Variants in RWDD4 observed in about 807,000 individuals in gnomAD.
The protein encoded by RWDD4 is RWD domain-containing protein 4.
In RWDD4, 16 loss-of-function variants were observed where a neutral mutation model predicts 30.0. That is an observed-to-expected ratio of 0.53 (90% CI 0.36 to 0.81). The LOEUF (loss-of-function observed/expected upper bound fraction) is 0.81, where lower values mean the gene tolerates loss of function less well. Among genes scored for constraint, RWDD4 ranks in the 30% least tolerant of loss-of-function variants. The pLI is 0.00. For missense variants in RWDD4, 170 were observed against 223.9 expected, an observed-to-expected ratio of 0.76 and a Z score of 1.54; for synonymous variants, 45 against 72.1, an observed-to-expected ratio of 0.62 and a Z score of 1.90.
At position 183,651,209 on chromosome 4, in the gene RWDD4, A is replaced by G. The variant is rs1437554615; in HGVS notation, c.215+9T>C. 1.9e-6 allele frequency: 3 copies of G among 1,613,216 alleles called. No homozygotes were observed. The highest frequency in any genetic ancestry group is 2.5e-6 in the Non-Finnish European group (3 of 1,179,448). ...AAATGAAAAGCAGTAAAAACAAGAC[A>G]CTACTCACATGGTGTTGTTAAAAAA... On this transcript the variant is annotated intron_variant, in intron 3 of 7. Transcript: ENST00000326397.
intron 2 of RWDD4, among the ~76,000 whole-genome samples, chr4:183,654,647 C>T (rs781419263): frequency 6.6e-6 from 1 of 152,130 alleles, no homozygotes; most frequent in Non-Finnish European, 1.5e-5. Flanking sequence ...GGGAAATTCT[C>T]GACCTCCCAT....
chr4:183,651,879 C>T (rs1359455304), intron 2 of RWDD4, among the ~76,000 whole-genome samples: 2 of 152,186 alleles, frequency 1.3e-5, no homozygotes, highest in Admixed American at 1.3e-4. Context: ...GTTTCTTCCG[C>T]TCTGCTAACT....
At position 183,651,059 on chromosome 4, in the gene RWDD4, C is replaced by T. The variant is rs749283125; in HGVS notation, c.288G>A (p.Met96Ile). 1 of 1,613,852 alleles carries T rather than the reference C, an allele frequency of 6.2e-7. No homozygotes were observed. Among genetic ancestry groups the T allele is most frequent in the Non-Finnish European group, 8.5e-7 (1 of 1,179,948 alleles). ...TGGCATATTCAAACAATGTATAGGTCATAGCGGTTCCAAGATTAGCTTCTA... is the reference window on the plus strand; with the variant it reads ...TGGCATATTCAAACAATGTATAGGTTATAGCGGTTCCAAGATTAGCTTCTA... ...EAVEANLGTAMTYTLFEYAKD... is the reference protein window; with the variant it reads ...EAVEANLGTAITYTLFEYAKD... Residue 96 changes from methionine (M) to isoleucine (I), a missense_variant, in exon 4 of 8, where the codon ATG (methionine) becomes ATA (isoleucine). By Grantham distance (10) the Met-to-Ile change is conservative. Coordinates refer to ENST00000326397, the MANE Select transcript of RWDD4 (RefSeq NM_152682.4).
chr4:183,655,488 GTTGGCCAGGA>G (rs1734173163), intron 2 of RWDD4, among the ~76,000 whole-genome samples: 1 of 151,914 alleles, frequency 6.6e-6, no homozygotes, highest in Non-Finnish European at 1.5e-5. Flanking sequence ...GTTTCACCAT[GTTGGCCAGGA>G]TGGTCTCGAT....
At chr4:183,654,954 T>G (rs28441054) in intron 2 of RWDD4, among the ~76,000 whole-genome samples, 1 of 146,468 alleles carries the variant, frequency 6.8e-6, no homozygotes, top group Non-Finnish European at 1.5e-5. Flanking sequence ...GTTTTTTTTG[T>G]TTTTTTTTTT....
At chr4:183,645,265 T>C (rs1043348137) in intron 7 of RWDD4, among the ~76,000 whole-genome samples, 2 of 152,224 alleles carry the variant, frequency 1.3e-5, no homozygotes, top group African/African-American at 2.4e-5. Context: ...CTAAATGGAA[T>C]GCAAAATTTA....
chr4:183,656,693 ATGGTGAAAG>A lies in RWDD4; in HGVS notation c.25-741_25-733del, dbSNP rs1333854802. 2.6e-5 allele frequency among the ~76,000 whole-genome samples: 4 copies of A among 152,218 alleles called. No individual in the cohort carries two copies. In the East Asian group the frequency reaches 7.7e-4, roughly 29 times the overall value. On this transcript the variant is annotated intron_variant, in intron 1 of 7. Transcript: ENST00000326397. ...ATGTCATGAATTCTACAAACTAAAG[ATGGTGAAAG>A]TGGGCTTGATCTACAGTCAAAATTT... is the stretch of plus-strand genomic sequence containing the variant.
chr4:183,655,303 AT>A (rs376578650), intron 2 of RWDD4, among the ~76,000 whole-genome samples: 2 of 146,904 alleles, frequency 1.4e-5, no homozygotes, highest in Admixed American at 6.8e-5. Flanking sequence ...TACTGTTACT[AT>A]TTTTTTTTTG....
chr4:183,641,788 T>G (rs1733861070), intron 7 of RWDD4, among the ~76,000 whole-genome samples: 1 of 152,182 alleles, frequency 6.6e-6, no homozygotes, highest in Non-Finnish European at 1.5e-5. Context: ...TGAATGACAC[T>G]CTTCAAAAGT....
chr4:183,647,245 T>C (rs1733981155), intron 5 of RWDD4, among the ~76,000 whole-genome samples: 1 of 152,234 alleles, frequency 6.6e-6, no homozygotes, highest in South Asian at 2.1e-4. Context: ...GCTTGATGTA[T>C]GCCATGCATG....
intron 2 of RWDD4, among the ~76,000 whole-genome samples, chr4:183,653,288 G>A (rs1015605354): frequency 2.0e-5 from 3 of 151,870 alleles, no homozygotes; most frequent in Non-Finnish European, 4.4e-5. Flanking sequence ...GAATAATCTC[G>A]CTGGGTGAGG....
Position 183,655,939 on chromosome 4 carries a change from G to A in RWDD4, c.47C>T (p.Ser16Phe). 1 of 1,610,926 alleles carries A rather than the reference G, an allele frequency of 6.2e-7. No individual in the cohort carries two copies. The highest frequency in any genetic ancestry group is 8.5e-7 in the Non-Finnish European group (1 of 1,177,502). Residue 16 changes from serine to phenylalanine, a missense_variant, in exon 2 of 8, where the codon TCT becomes TTT. Coordinates refer to ENST00000326397, the MANE Select transcript of RWDD4 (RefSeq NM_152682.4). ...DQEMELEALR[S>F]IYEGDESFRE... is the part of the protein sequence containing the mutation. The stretch of plus-strand genomic sequence containing the variant: ...GAAACTTTCATCTCCTTCATAAATA[G>A]AGCGTAATGCTTCTAGTTCCATCTG...
In RWDD4 at chr4:183,640,984, C is replaced by T. The variant is rs2111223859; in HGVS notation, c.*452G>A. On this transcript the variant is annotated 3_prime_UTR_variant, in exon 8 of 8. Coordinates refer to ENST00000326397, the MANE Select transcript of RWDD4 (RefSeq NM_152682.4). Reference sequence around the variant, plus strand: ...AGTAATTTACGGTTCAGTAATTAAGCAAAAGAAGAGATGAAGACTTAAGAG... The same window carrying T: ...AGTAATTTACGGTTCAGTAATTAAGTAAAAGAAGAGATGAAGACTTAAGAG... The T allele has an allele frequency of 6.5e-6, 1 of 153,790 alleles. No homozygotes were observed. Among genetic ancestry groups the T allele is most frequent in the Middle Eastern group, 3.3e-3 (1 of 300 alleles). 9.5% of individuals were successfully genotyped at this position (153,790 alleles called of 1,614,324 possible). A position where few individuals can be genotyped will look rare whatever the true frequency, so the allele number is the denominator to read the frequency against.
At chr4:183,657,167 C>T (rs1734210954) in intron 1 of RWDD4, among the ~76,000 whole-genome samples, 1 of 152,100 alleles carries the variant, frequency 6.6e-6, no homozygotes. Flanking sequence ...ACTTGATTGG[C>T]ACAATGAAGA....
chr4:183,645,599 CAAAAAAA>C (rs11310523), intron 7 of RWDD4, among the ~76,000 whole-genome samples: 2 of 111,522 alleles, frequency 1.8e-5, no homozygotes, highest in African/African-American at 6.8e-5. Flanking sequence ...TCTGTCTCTG[CAAAAAAA>C]AAAAAAAAAA....
At chr4:183,645,670 G>A (rs1249085383) in intron 7 of RWDD4, among the ~76,000 whole-genome samples, 1 of 152,008 alleles carries the variant, frequency 6.6e-6, no homozygotes, top group Non-Finnish European at 1.5e-5. Flanking sequence ...TCAGGAGGCT[G>A]AGGATCACTT....
chr4:183,650,054 G>T (rs1734045961), intron 4 of RWDD4, among the ~76,000 whole-genome samples: 1 of 152,154 alleles, frequency 6.6e-6, no homozygotes, highest in Admixed American at 6.5e-5. Flanking sequence ...GTATATGATA[G>T]CTAAAATGTA....
intron 2 of RWDD4, among the ~76,000 whole-genome samples, chr4:183,652,851 C>G (rs942121428): frequency 1.3e-5 from 2 of 151,540 alleles, no homozygotes; most frequent in Non-Finnish European, 2.9e-5. Flanking sequence ...CTCAGCCACT[C>G]AAGTAGCTGG....
chr4:183,641,282 T>A lies in RWDD4; in HGVS notation c.*154A>T. 1.5e-6 allele frequency: 1 copy of A among 680,518 alleles called. No individual in the cohort carries two copies. Among genetic ancestry groups the A allele is most frequent in the Non-Finnish European group, 2.6e-6 (1 of 378,572 alleles). 42.2% of individuals were successfully genotyped at this position (680,518 alleles called of 1,614,324 possible). The stretch of plus-strand genomic sequence containing the variant: ...AATTTAATACAACAAGATCTCTTCA[T>A]GAACTTTCAACTTACAACCTTTTTA... On this transcript the variant is annotated 3_prime_UTR_variant, in exon 8 of 8. Transcript: ENST00000326397.
Sources: allele counts gnomAD v4.1 joint callset (sites outside exome capture counted in the v4.1 genomes callset), GRCh38; gene constraint gnomAD v4.1.1; transcripts MANE v1.5; gene names NCBI Gene and HGNC (gene_info 2026-07-23, HGNC 2026-07-21).